Variants in ANKDD1B observed in about 807,000 individuals in gnomAD.
ANKDD1B encodes the protein ankyrin repeat and death domain-containing protein 1B.
ANKDD1B carries 57 observed loss-of-function variants against 59.7 expected under a neutral mutation model. That is an observed-to-expected ratio of 0.95 (90% CI 0.77 to 1.19). The LOEUF (loss-of-function observed/expected upper bound fraction) is 1.19. Among genes scored for constraint, ANKDD1B ranks in the 50% most tolerant of loss-of-function variants. The pLI, the probability that ANKDD1B is intolerant of heterozygous loss-of-function variation, is 0.00. For synonymous variants in ANKDD1B, 216 were observed against 239.5 expected (o/e 0.90, Z 0.91); for missense variants, 602 against 641.9 (o/e 0.94, Z 0.67).
At position 75,644,959 on chromosome 5, in the gene ANKDD1B, C is replaced by G. The variant is rs1315649004; in HGVS notation, c.799-8183C>G. On this transcript the variant is annotated intron_variant, in intron 7 of 13. Coordinates refer to ENST00000601380, the MANE Select transcript of ANKDD1B (RefSeq NM_001276713.2). The stretch of plus-strand genomic sequence containing the variant: ...ATTAAGAATCTCACTCAAAGCCGCT[C>G]AACTACATGGAAACTGAACAACCTG... Among the ~76,000 whole-genome samples, 14 of 129,038 alleles carry G rather than the reference C, an allele frequency of 1.1e-4. 1 individual carries two copies. The highest frequency in any genetic ancestry group is 4.0e-4 in the East Asian group (2 of 4,970). The allele number at this position is 129,038 out of a possible 152,430, so 84.7% of individuals were successfully genotyped here.
At chr5:75,648,890 A>C (rs1399826814) in intron 7 of ANKDD1B, among the ~76,000 whole-genome samples, 1 of 152,298 alleles carries the variant, frequency 6.6e-6, no homozygotes, top group East Asian at 1.9e-4. Context: ...CTTGGTTTCC[A>C]GGAGATTGCT....
chr5:75,644,915 A>C (rs1445438926), intron 7 of ANKDD1B, among the ~76,000 whole-genome samples: 1 of 115,498 alleles, frequency 8.7e-6, no homozygotes, highest in Admixed American at 8.0e-5. Flanking sequence ...ACCACAGTGC[A>C]ATCAAACTAG....
chr5:75,613,487 T>C (rs371948473), intron 1 of ANKDD1B, among the ~76,000 whole-genome samples: 5 of 152,172 alleles, frequency 3.3e-5, no homozygotes, highest in African/African-American at 1.2e-4. Context: ...ATCCTGCATA[T>C]ATAAATGAAG....
chr5:75,627,955 G>A (rs1258932300), intron 5 of ANKDD1B, among the ~76,000 whole-genome samples: 1 of 152,178 alleles, frequency 6.6e-6, no homozygotes, highest in African/African-American at 2.4e-5. Flanking sequence ...GGGAAAAAGG[G>A]TTGGCAGCAA....
chr5:75,651,328 C>A (rs1178305745), intron 7 of ANKDD1B, among the ~76,000 whole-genome samples: 4 of 152,232 alleles, frequency 2.6e-5, no homozygotes, highest in Admixed American at 6.5e-5. Context: ...AGCAATCTTA[C>A]AATTAATCAG....
chr5:75,626,502 CT>C (rs1449339602), intron 5 of ANKDD1B, among the ~76,000 whole-genome samples: 1 of 152,228 alleles, frequency 6.6e-6, no homozygotes, highest in African/African-American at 2.4e-5. Flanking sequence ...CCTACCAATG[CT>C]CAACAAATCA....
intron 7 of ANKDD1B, among the ~76,000 whole-genome samples, chr5:75,641,047 G>C (rs1245106595): frequency 6.6e-6 from 1 of 152,198 alleles, no homozygotes; most frequent in Non-Finnish European, 1.5e-5. Flanking sequence ...TGAAAAAAAA[G>C]TTTATTGTGT....
rs765892401 is a variant in ANKDD1B at position 75,627,284 on chromosome 5, A to G, written c.600+1329A>G. 2.0e-5 allele frequency among the ~76,000 whole-genome samples: 3 copies of G among 152,296 alleles called. No individual in the cohort carries two copies. The East Asian group carries it at 5.8e-4, about 29-fold the overall frequency. On this transcript the variant is annotated intron_variant, in intron 5 of 13. Coordinates refer to ENST00000601380, the MANE Select transcript of ANKDD1B (RefSeq NM_001276713.2). ...GTTGATAGGAGAAGTCTTGTCCCAC[A>G]TATAATTTTTTTTTAAATCAGCAAA...
chr5:75,660,880 C>T (rs1561449947), intron 10 of ANKDD1B, among the ~76,000 whole-genome samples: 1 of 152,184 alleles, frequency 6.6e-6, no homozygotes, highest in East Asian at 1.9e-4. Flanking sequence ...GCAAAGATGA[C>T]TGCTTCCGAA....
At chr5:75,612,281 GC>G (rs1005587398) in intron 1 of ANKDD1B, among the ~76,000 whole-genome samples, 19 of 148,646 alleles carry the variant, frequency 1.3e-4, no homozygotes, top group African/African-American at 4.2e-4. Flanking sequence ...CAGCTGTTAA[GC>G]AGTTCGAAAG....
intron 10 of ANKDD1B, among the ~76,000 whole-genome samples, chr5:75,661,646 C>T (rs936314600): frequency 2.0e-5 from 3 of 151,936 alleles, no homozygotes; most frequent in Admixed American, 1.3e-4. Context: ...TCTGTGGGTA[C>T]GAAATCTATA....
intron 8 of ANKDD1B, 37 bp downstream of exon 8, chr5:75,653,277 C>G: frequency 6.8e-7 from 1 of 1,464,236 alleles, no homozygotes; most frequent in Non-Finnish European, 9.2e-7. Flanking sequence ...TTGGTCCTGG[C>G]GCCGTGAGGT....
At position 75,616,894 on chromosome 5, in the gene ANKDD1B, ATGT is replaced by A. The variant is rs1773731302; in HGVS notation, c.288_290del (p.Val97del). The A allele has an allele frequency of 6.6e-7, 1 of 1,509,348 alleles. No homozygotes were observed. The highest frequency in any genetic ancestry group is 8.9e-7 in the Non-Finnish European group (1 of 1,123,072). 93.5% of individuals were successfully genotyped at this position (1,509,348 alleles called of 1,614,324 possible). On this transcript the variant is annotated inframe_deletion, in exon 2 of 14. Coordinates refer to ENST00000601380, the MANE Select transcript of ANKDD1B (RefSeq NM_001276713.2). ...CTGTTTGAAAAGAAGGTTAACATTA[ATGT>A]TGTGAACAATGTGAGTAGAAGTCAT...
In ANKDD1B at chr5:75,666,813, G is replaced by C. The variant is rs1456861682; in HGVS notation, c.1213G>C (p.Asp405His). 7 of 1,535,704 alleles carry C rather than the reference G, an allele frequency of 4.6e-6. No individual in the cohort carries two copies. The highest frequency in any genetic ancestry group is 3.5e-6 in the Non-Finnish European group (4 of 1,146,656). Residue 405 changes from aspartate to histidine, a missense_variant, in exon 12 of 14, where the codon GAC becomes CAC. Physicochemically the swap from Asp to His is moderately conservative, Grantham distance 81. Transcript: ENST00000601380. The part of the protein sequence containing the change: ...WREEHHESIR[D>H]PSTGFTLTFK... ...TTAGGAGCATCATGAGAGCATCAGG[G>C]ACCCGTCAACAGGCTTTACTCTGAC... is the stretch of plus-strand genomic sequence containing the variant.
intron 5 of ANKDD1B, among the ~76,000 whole-genome samples, chr5:75,631,631 C>T (rs1207013013): frequency 6.6e-6 from 1 of 152,124 alleles, no homozygotes; most frequent in Non-Finnish European, 1.5e-5. Context: ...TGCAACTAAG[C>T]GCTCATCTGG....
chr5:75,627,221 A>T (rs1252405954), intron 5 of ANKDD1B, among the ~76,000 whole-genome samples: 1 of 152,184 alleles, frequency 6.6e-6, no homozygotes, highest in African/African-American at 2.4e-5. Context: ...CATCTATACA[A>T]TGGAAACAAT....
chr5:75,669,727 C>T (rs550666108), intron 13 of ANKDD1B, among the ~76,000 whole-genome samples: 126 of 152,232 alleles, frequency 8.3e-4, no homozygotes, highest in African/African-American at 2.7e-3. Context: ...TTGTTCTCCA[C>T]GACTAAGAGT....
At chr5:75,650,417 G>A (rs1774797780) in intron 7 of ANKDD1B, among the ~76,000 whole-genome samples, 2 of 152,188 alleles carry the variant, frequency 1.3e-5, no homozygotes, top group South Asian at 4.1e-4. Context: ...ACCTGTAAGA[G>A]ACAAGGAAGT....
At chr5:75,615,668 C>CTGTGTGTGTGTG (rs113185824) in intron 1 of ANKDD1B, among the ~76,000 whole-genome samples, 13 of 144,238 alleles carry the variant, frequency 9.0e-5, no homozygotes, top group African/African-American at 2.8e-4. Flanking sequence ...CTGGTCTTCC[C>CTGTGTGTGTGTG]TGTGTGTGTG....
Sources: gnomAD v4.1 joint callset for allele counts (sites outside exome capture counted in the v4.1 genomes callset) on GRCh38, gnomAD v4.1.1 for gene constraint, MANE v1.5 for transcripts, NCBI Gene and HGNC (gene_info 2026-07-23, HGNC 2026-07-21) for gene names.